Variants in ARID1B observed in about 807,000 individuals in gnomAD.
ARID1B encodes the protein AT-rich interaction domain 1B.
A neutral mutation model predicts 212.3 loss-of-function variants in ARID1B; 30 were observed. The observed-to-expected ratio is 0.14, with a 90% CI of 0.11 to 0.19. The LOEUF (loss-of-function observed/expected upper bound fraction) is 0.19. ARID1B is among the 10% of genes least tolerant of loss of function. The probability of loss-of-function intolerance (pLI) is 1.00; values close to 1 mark genes in which losing one functional copy is unlikely to be tolerated. For synonymous variants in ARID1B, 1,402 were observed against 1,301.7 expected (o/e 1.08, Z -1.66); for missense variants, 2,891 against 3,204.0 (o/e 0.90, Z 2.36).
chr6:157,154,334 C>G (rs1300145786), intron 8 of ARID1B, among the ~76,000 whole-genome samples: 1 of 152,128 alleles, frequency 6.6e-6, no homozygotes, highest in Non-Finnish European at 1.5e-5. Flanking sequence ...TGTCAAAATT[C>G]TGGCAGGGAT....
intron 2 of ARID1B, among the ~76,000 whole-genome samples, chr6:156,832,737 G>T (rs565418753): frequency 6.6e-6 from 1 of 152,262 alleles, no homozygotes; most frequent in Non-Finnish European, 1.5e-5. Flanking sequence ...ACATGGAGAG[G>T]AGTATCACTG....
intron 6 of ARID1B, among the ~76,000 whole-genome samples, chr6:157,113,067 A>G (rs1787048817): frequency 6.6e-6 from 1 of 151,944 alleles, no homozygotes; most frequent in African/African-American, 2.4e-5. Context: ...GATTACAGGC[A>G]TGTGCCACCA....
At chr6:157,146,591 T>A (rs938671063) in intron 7 of ARID1B, among the ~76,000 whole-genome samples, 10 of 152,206 alleles carry the variant, frequency 6.6e-5, no homozygotes, top group Admixed American at 5.9e-4. Flanking sequence ...TTTCTTGTTT[T>A]CACCCTTGCT....
intron 12 of ARID1B, 46 bp downstream of exon 12, chr6:157,181,224 A>C: frequency 6.3e-7 from 1 of 1,596,262 alleles, no homozygotes. Flanking sequence ...CATTGTGGAT[A>C]AGTTCTTACA....
rs1482607834 is a variant in ARID1B at position 156,778,936 on chromosome 6, C to T, written c.1256C>T (p.Ala419Val). Residue 419 changes from alanine to valine, a missense_variant, in exon 1 of 20, where the codon GCG becomes GTG. This residue lies in a region of ARID1B where 1,643 missense variants were observed against 1,544.0 expected (regional missense o/e 1.06). Transcript: ENST00000636930. ...GGGAGAGGAG[A>V]GAVAAAAAAA... ...GGAGCAGGAGCAGGAGGAGCAGGAG[C>T]GGGAGCTGTGGCGGCGGCGGCCGCG... 10 of 1,304,478 alleles carry T rather than the reference C, an allele frequency of 7.7e-6. No individual in the cohort carries two copies. Among genetic ancestry groups the T allele is most frequent in the Admixed American group, 4.2e-5 (1 of 23,980 alleles). 80.8% of individuals were successfully genotyped at this position (1,304,478 alleles called of 1,614,324 possible).
chr6:157,012,910 G>A (rs1047199568), intron 4 of ARID1B, among the ~76,000 whole-genome samples: 1 of 150,968 alleles, frequency 6.6e-6, no homozygotes, highest in African/African-American at 2.4e-5. Context: ...ATGAAGTTTC[G>A]CTCTTGTTGC....
At chr6:156,958,823 A>G (rs942828614) in intron 4 of ARID1B, among the ~76,000 whole-genome samples, 1 of 152,238 alleles carries the variant, frequency 6.6e-6, no homozygotes, top group African/African-American at 2.4e-5. Context: ...AAGCAAAGCA[A>G]AAAAAGATGA....
At position 157,207,750 on chromosome 6, in the gene ARID1B, A is replaced by C; in HGVS notation, c.6978A>C (p.Leu2326=). 1 of 1,585,204 alleles carries C rather than the reference A, an allele frequency of 6.3e-7. No homozygotes were observed. Among genetic ancestry groups the C allele is most frequent in the East Asian group, 2.3e-5 (1 of 44,222 alleles). Residue 2326 remains leucine, a synonymous_variant, in exon 20 of 20, where the codon CTA becomes CTC. Transcript: ENST00000636930. This position sits in a 1 kb window ranked among gnomAD's most constrained non-coding sequence, Gnocchi z 8.5. ...TGTGCAGGGCGGCCAAGGCTTTGCTAGCCATGGCCAGAGTGGACGAAAACC... is the reference window on the plus strand; with the variant it reads ...TGTGCAGGGCGGCCAAGGCTTTGCTCGCCATGGCCAGAGTGGACGAAAACC... ...DMMCRAAKAL[L]AMARVDENRS...
chr6:156,805,500 C>A (rs952034841), intron 1 of ARID1B, among the ~76,000 whole-genome samples: 14 of 152,084 alleles, frequency 9.2e-5, no homozygotes, highest in Non-Finnish European at 1.9e-4. Context: ...GGAAACCTAG[C>A]AGGTTTACAC....
chr6:157,188,650 C>T (rs377540062), intron 13 of ARID1B, among the ~76,000 whole-genome samples: 1 of 152,144 alleles, frequency 6.6e-6, no homozygotes, highest in Non-Finnish European at 1.5e-5. Context: ...ATCAGAAACT[C>T]CATGAGGGCA....
chr6:157,115,452 A>T (rs938672849), intron 6 of ARID1B, among the ~76,000 whole-genome samples: 32 of 152,150 alleles, frequency 2.1e-4, no homozygotes, highest in African/African-American at 7.5e-4. Flanking sequence ...TTTGAGACAG[A>T]GTCTTGCTCT....
chr6:156,910,514 G>A (rs1326097180), intron 3 of ARID1B, among the ~76,000 whole-genome samples: 1 of 152,128 alleles, frequency 6.6e-6, no homozygotes, highest in Non-Finnish European at 1.5e-5. Context: ...CAAAGGGAAA[G>A]TTAGAATCTA....
chr6:157,022,041 G>A (rs1780331158), intron 4 of ARID1B, among the ~76,000 whole-genome samples: 1 of 152,214 alleles, frequency 6.6e-6, no homozygotes, highest in Non-Finnish European at 1.5e-5. Flanking sequence ...GAACCCGTTC[G>A]CGTAATTAAA....
At chr6:157,139,258 C>T (rs1006227598) in intron 7 of ARID1B, among the ~76,000 whole-genome samples, 1 of 152,232 alleles carries the variant, frequency 6.6e-6, no homozygotes, top group South Asian at 2.1e-4. Flanking sequence ...CGCACCATGT[C>T]AGGTGGGCTT....
intron 13 of ARID1B, among the ~76,000 whole-genome samples, chr6:157,187,897 G>A (rs1019085413): frequency 1.3e-5 from 2 of 151,976 alleles, no homozygotes; most frequent in African/African-American, 2.4e-5. Context: ...CGGCTGGAGC[G>A]GAGCCTGCCT....
chr6:157,150,882 C>T (rs553785262), intron 8 of ARID1B: 5 of 177,636 alleles, frequency 2.8e-5, no homozygotes, highest in Non-Finnish European at 2.4e-5. Flanking sequence ...CGACTTGCTG[C>T]GGGACCTGGG....
At chr6:157,167,335 C>A in intron 9 of ARID1B, 150 bp downstream of exon 9, 1 of 890,240 alleles carries the variant, frequency 1.1e-6, no homozygotes, top group Non-Finnish European at 1.6e-6. Context: ...CAGAAACTTG[C>A]TCCATCTATT....
At chr6:157,049,458 A>G (rs534285218) in intron 4 of ARID1B, among the ~76,000 whole-genome samples, 15 of 152,248 alleles carry the variant, frequency 9.9e-5, no homozygotes, top group African/African-American at 3.4e-4. Context: ...GGCGTAGAGG[A>G]AGTTAAGTCC....
intron 2 of ARID1B, among the ~76,000 whole-genome samples, chr6:156,841,536 G>C (rs1368543789): frequency 6.6e-6 from 1 of 152,166 alleles, no homozygotes; most frequent in African/African-American, 2.4e-5. Context: ...AATATGAGAA[G>C]TTGCCTCTGG....
Sources: gnomAD v4.1 joint callset for allele counts (sites outside exome capture counted in the v4.1 genomes callset) on GRCh38, gnomAD v4.1.1 for gene constraint, gnomAD v4.1.1 regional missense constraint, Gnocchi (gnomAD v3.1) non-coding constraint, MANE v1.5 for transcripts, NCBI Gene and HGNC (gene_info 2026-07-23, HGNC 2026-07-21) for gene names.